The following CCDC178 variants were observed in gnomAD, a reference collection of about 807,000 sequenced individuals.
CCDC178 encodes coiled-coil domain containing 178.
Under a neutral mutation model 117.4 loss-of-function variants are expected in CCDC178, and 126 were observed. The ratio of observed to expected loss-of-function variants is 1.07; its 90% CI spans 0.93 to 1.24. CCDC178 has a LOEUF of 1.24. Among genes scored for constraint, CCDC178 ranks in the 50% most tolerant of loss-of-function variants. The probability of loss-of-function intolerance (pLI) is 0.00; values close to 1 mark genes in which losing one functional copy is unlikely to be tolerated. For missense variants in CCDC178, 1,030 were observed against 986.9 expected, an observed-to-expected ratio of 1.04 and a Z score of -0.59; for synonymous variants, 283 against 313.4, an observed-to-expected ratio of 0.90 and a Z score of 1.02.
intron 21 of CCDC178, among the ~76,000 whole-genome samples, chr18:33,054,856 C>A (rs1567959343): frequency 2.0e-5 from 3 of 152,182 alleles, no homozygotes; most frequent in African/African-American, 7.2e-5. Flanking sequence ...CACTGTCTTC[C>A]ACAATAGTTG....
chr18:33,126,369 A>G (rs994227428), intron 20 of CCDC178, among the ~76,000 whole-genome samples: 1 of 148,922 alleles, frequency 6.7e-6, no homozygotes, highest in African/African-American at 2.4e-5. Flanking sequence ...TAGTATATGT[A>G]TGTATGTGTT....
intron 21 of CCDC178, among the ~76,000 whole-genome samples, chr18:33,014,648 A>AAC (rs145537166): frequency 0.023 from 3,534 of 152,064 alleles, 152 homozygotes; most frequent in African/African-American, 0.082. Flanking sequence ...ATGTATGTAT[A>AAC]ACACACACAC....
At chr18:33,249,784 G>GT (rs1337078099) in intron 14 of CCDC178, among the ~76,000 whole-genome samples, 4 of 151,990 alleles carry the variant, frequency 2.6e-5, no homozygotes, top group Admixed American at 6.6e-5. Context: ...CTTTAAAGTA[G>GT]TTTTTTCCAA....
At chr18:32,959,624 G>A (rs140512086) in intron 22 of CCDC178, among the ~76,000 whole-genome samples, 1 of 151,828 alleles carries the variant, frequency 6.6e-6, no homozygotes, top group African/African-American at 2.4e-5. Context: ...TGTTATAACT[G>A]CACTGTTCAT....
intron 7 of CCDC178, among the ~76,000 whole-genome samples, chr18:33,355,090 C>T (rs951271586): frequency 6.6e-6 from 1 of 152,226 alleles, no homozygotes; most frequent in East Asian, 1.9e-4. Context: ...CCCTTGAGAA[C>T]AGTTTATGTT....
Position 33,006,691 on chromosome 18 carries a change from T to C in CCDC178, c.2389-32010A>G, listed in dbSNP as rs1162169299. Among the ~76,000 whole-genome samples, 4 of 152,114 alleles carry C rather than the reference T, an allele frequency of 2.6e-5. No homozygotes were observed. In the East Asian group the frequency reaches 5.8e-4, roughly 22 times the overall value. On this transcript the variant is annotated intron_variant, in intron 21 of 22. Transcript: ENST00000383096. ...TGATGGGAGGTCATTCCTGTGATTATGTTAGGTTATGTGGTTATACAAGAC... is the reference window on the plus strand; with the variant it reads ...TGATGGGAGGTCATTCCTGTGATTACGTTAGGTTATGTGGTTATACAAGAC...
At chr18:33,359,871 G>A (rs1277863521) in intron 6 of CCDC178, among the ~76,000 whole-genome samples, 1 of 151,136 alleles carries the variant, frequency 6.6e-6, no homozygotes, top group African/African-American at 2.4e-5. Context: ...AAGCCACATT[G>A]CCCACAAACT....
chr18:33,413,503 C>T (rs973370325), intron 2 of CCDC178, among the ~76,000 whole-genome samples: 2 of 146,764 alleles, frequency 1.4e-5, no homozygotes, highest in African/African-American at 5.0e-5. Context: ...AAATGAATTC[C>T]TCCAGTAAGA....
chr18:33,127,685 C>T (rs9947012), intron 20 of CCDC178, among the ~76,000 whole-genome samples: 8,069 of 152,178 alleles, frequency 0.053, 308 homozygotes, highest in East Asian at 0.11. Context: ...CCACCTTCCT[C>T]GGCCTCTCAA....
intron 12 of CCDC178, among the ~76,000 whole-genome samples, chr18:33,274,233 CA>C (rs201777948): frequency 3.4e-5 from 5 of 148,556 alleles, no homozygotes; most frequent in East Asian, 2.0e-4. Flanking sequence ...AAAGGGGTTT[CA>C]AAAAAAAAGG....
chr18:33,368,387 A>G (rs974978860), intron 6 of CCDC178, among the ~76,000 whole-genome samples: 2 of 151,930 alleles, frequency 1.3e-5, no homozygotes, highest in African/African-American at 2.4e-5. Context: ...TTTATCTGGC[A>G]CTAATCTAGG....
At chr18:33,418,749 C>G (rs2063982940) in intron 2 of CCDC178, among the ~76,000 whole-genome samples, 1 of 152,092 alleles carries the variant, frequency 6.6e-6, no homozygotes, top group South Asian at 2.1e-4. Context: ...ACAATAACCA[C>G]ACACAAAACA....
chr18:32,947,124 C>T (rs190523051), intron 22 of CCDC178, among the ~76,000 whole-genome samples: 1 of 152,050 alleles, frequency 6.6e-6, no homozygotes, highest in Non-Finnish European at 1.5e-5. Context: ...TTGGTATAGC[C>T]GAGGGGACTT....
Position 33,413,336 on chromosome 18 carries a change from A to C in CCDC178, c.-22-1226T>G, listed in dbSNP as rs184971473. Among the ~76,000 whole-genome samples the C allele has an allele frequency of 9.2e-5, 14 of 152,322 alleles. No individual in the cohort carries two copies. The East Asian group carries it at 2.5e-3, about 27-fold the overall frequency. ...TAAAGACCAACTTTTAAAGAAAAGT[A>C]AGCTATAGAAAAGAGCATAACTAAA... On this transcript the variant is annotated intron_variant, in intron 2 of 22. Coordinates refer to ENST00000383096, the MANE Select transcript of CCDC178 (RefSeq NM_001105528.4).
At chr18:33,344,111 T>C (rs2062852584) in intron 9 of CCDC178, among the ~76,000 whole-genome samples, 1 of 150,456 alleles carries the variant, frequency 6.6e-6, no homozygotes, top group South Asian at 2.1e-4. Context: ...GAGACCATCC[T>C]GGCTAACAAG....
chr18:33,043,841 C>T (rs1191193262), intron 21 of CCDC178, among the ~76,000 whole-genome samples: 1 of 151,838 alleles, frequency 6.6e-6, no homozygotes, highest in African/African-American at 2.4e-5. Context: ...ACATTTAGCA[C>T]ATTTTATCCT....
chr18:33,379,149 T>A (rs4447494), intron 5 of CCDC178, among the ~76,000 whole-genome samples: 6 of 104,592 alleles, frequency 5.7e-5, no homozygotes, highest in Admixed American at 3.9e-4. Context: ...CATATATATA[T>A]AATATATATA....
intron 21 of CCDC178, among the ~76,000 whole-genome samples, chr18:32,996,376 G>A (rs1233526598): frequency 6.6e-6 from 1 of 151,730 alleles, no homozygotes; most frequent in Non-Finnish European, 1.5e-5. Flanking sequence ...CTTAATGAGA[G>A]AAATATTAAG....
intron 14 of CCDC178, among the ~76,000 whole-genome samples, chr18:33,247,091 TGTGA>T: frequency 1.3e-5 from 2 of 148,236 alleles, no homozygotes; most frequent in African/African-American, 5.0e-5. Flanking sequence ...TGTGTGTGTG[TGTGA>T]GAGAGAGAGA....
Sources: gnomAD v4.1 joint callset for allele counts (sites outside exome capture counted in the v4.1 genomes callset) on GRCh38, gnomAD v4.1.1 for gene constraint, MANE v1.5 for transcripts, NCBI Gene and HGNC (gene_info 2026-07-23, HGNC 2026-07-21) for gene names.